Variants in SORCS2 observed in about 807,000 individuals in gnomAD.
The protein encoded by SORCS2 is VPS10 domain-containing receptor SorCS2.
Under a neutral mutation model 141.6 loss-of-function variants are expected in SORCS2, and 100 were observed. That is an observed-to-expected ratio of 0.71 (90% CI 0.60 to 0.83). The LOEUF (loss-of-function observed/expected upper bound fraction) is 0.83. Among genes scored for constraint, SORCS2 ranks in the 40% least tolerant of loss-of-function variants. The probability of loss-of-function intolerance (pLI) is 0.00; values close to 1 mark genes in which losing one functional copy is unlikely to be tolerated. For missense variants in SORCS2, 1,646 were observed against 1,560.2 expected (o/e 1.05, Z -0.93); for synonymous variants, 789 against 676.9 (o/e 1.17, Z -2.57).
intron 1 of SORCS2, among the ~76,000 whole-genome samples, chr4:7,273,990 C>A (rs549354845): frequency 8.5e-5 from 13 of 152,352 alleles, no homozygotes; most frequent in South Asian, 4.1e-4. Context: ...CAGAGCCCTC[C>A]CTCTGCCTCG....
chr4:7,622,539 T>C (rs1719266271), intron 3 of SORCS2, among the ~76,000 whole-genome samples: 1 of 152,192 alleles, frequency 6.6e-6, no homozygotes, highest in Non-Finnish European at 1.5e-5. Flanking sequence ...GGCATCACTG[T>C]GTCTGGAGTC....
At chr4:7,670,198 G>A (rs1430088880) in intron 8 of SORCS2, among the ~76,000 whole-genome samples, 2 of 152,190 alleles carry the variant, frequency 1.3e-5, no homozygotes, top group East Asian at 3.8e-4. Flanking sequence ...TTTTCCTTCT[G>A]TGTTAAAGGG....
chr4:7,729,001 C>T (rs1287468073), intron 22 of SORCS2, among the ~76,000 whole-genome samples: 1 of 152,210 alleles, frequency 6.6e-6, no homozygotes, highest in Non-Finnish European at 1.5e-5. Flanking sequence ...CCAGGCTTCC[C>T]CTCCCGTGAA....
At chr4:7,392,906 G>T (rs113863351) in intron 1 of SORCS2, among the ~76,000 whole-genome samples, 58,345 of 149,970 alleles carry the variant, frequency 0.39, 11,794 homozygotes, top group East Asian at 0.52. Context: ...GTCGGGGGGG[G>T]GGGGGTGCTG....
At chr4:7,580,858 G>A (rs1716096992) in intron 3 of SORCS2, among the ~76,000 whole-genome samples, 1 of 152,122 alleles carries the variant, frequency 6.6e-6, no homozygotes, top group Non-Finnish European at 1.5e-5. Flanking sequence ...CAATGGAGGA[G>A]TAAAAGTCTG....
At chr4:7,433,124 G>T in intron 2 of SORCS2, 1 of 516,980 alleles carries the variant, frequency 1.9e-6, no homozygotes, top group Non-Finnish European at 3.0e-6. Context: ...TGCTTTCAAG[G>T]GCAAAGCTGT....
chr4:7,326,145 G>A (rs1719243699), intron 1 of SORCS2, among the ~76,000 whole-genome samples: 1 of 152,094 alleles, frequency 6.6e-6, no homozygotes, highest in Non-Finnish European at 1.5e-5. Context: ...TCTGGATAGG[G>A]GTTTGACCAC....
At chr4:7,471,642 AG>A (rs1213423813) in intron 2 of SORCS2, among the ~76,000 whole-genome samples, 1 of 152,200 alleles carries the variant, frequency 6.6e-6, no homozygotes, top group Non-Finnish European at 1.5e-5. Context: ...GGGTGGAACC[AG>A]GTGCGTCCCT....
intron 1 of SORCS2, among the ~76,000 whole-genome samples, chr4:7,197,602 T>C (rs1467792191): frequency 4.6e-5 from 7 of 152,186 alleles, no homozygotes; most frequent in Non-Finnish European, 8.8e-5. Flanking sequence ...GAAAACAACA[T>C]TCCAACTTGA....
chr4:7,535,397 CT>C (rs1417587782), intron 3 of SORCS2, among the ~76,000 whole-genome samples: 57 of 152,318 alleles, frequency 3.7e-4, no homozygotes, highest in African/African-American at 1.3e-3. Context: ...GGCTGACCCC[CT>C]GGCTTCTCTG....
intron 3 of SORCS2, among the ~76,000 whole-genome samples, chr4:7,565,877 T>C (rs1482623140): frequency 1.4e-5 from 2 of 139,178 alleles, no homozygotes; most frequent in Non-Finnish European, 1.6e-5. Flanking sequence ...GATGTGATGA[T>C]GGAGATGATG....
chr4:7,510,726 G>A (rs150810959), intron 2 of SORCS2, among the ~76,000 whole-genome samples: 1 of 152,396 alleles, frequency 6.6e-6, no homozygotes, highest in Non-Finnish European at 1.5e-5. Context: ...TGCGACCCCG[G>A]GGCCTGGGCA....
At chr4:7,420,179 A>G (rs1444052237) in intron 2 of SORCS2, among the ~76,000 whole-genome samples, 1 of 152,212 alleles carries the variant, frequency 6.6e-6, no homozygotes, top group Non-Finnish European at 1.5e-5. Flanking sequence ...CCTGGGGGGC[A>G]AGGATTTGGC....
At chr4:7,363,008 A>G (rs985099642) in intron 1 of SORCS2, among the ~76,000 whole-genome samples, 5 of 149,462 alleles carry the variant, frequency 3.3e-5, no homozygotes. Flanking sequence ...TCCTACTGCT[A>G]TCATCATCAC....
chr4:7,458,411 CCT>C lies in SORCS2; in HGVS notation c.548+62057_548+62058del, dbSNP rs368893998. Among the ~76,000 whole-genome samples, 620 of 152,136 alleles carry C rather than the reference CCT, an allele frequency of 4.1e-3. 5 individuals carry two copies. Among genetic ancestry groups the C allele is most frequent in the African/African-American group, 0.014 (596 of 41,484 alleles). On this transcript the variant is annotated intron_variant, in intron 2 of 26. Coordinates refer to ENST00000507866, the MANE Select transcript of SORCS2 (RefSeq NM_020777.3). ...GCTAGTAGTTTTCCAGCTGTGCTCC[CCT>C]GAGTCCTTTGGGGGCCCCTGAGCAA...
At chr4:7,221,752 C>G (rs1488589875) in intron 1 of SORCS2, among the ~76,000 whole-genome samples, 1 of 152,216 alleles carries the variant, frequency 6.6e-6, no homozygotes, top group African/African-American at 2.4e-5. Flanking sequence ...GCAGCTCATT[C>G]TGTAGGAGGC....
intron 2 of SORCS2, among the ~76,000 whole-genome samples, chr4:7,437,119 AC>A (rs1727356977): frequency 1.3e-5 from 2 of 152,012 alleles, no homozygotes; most frequent in Non-Finnish European, 1.5e-5. Context: ...GTTAGCACAG[AC>A]CCCACACGTT....
At position 7,292,280 on chromosome 4, in the gene SORCS2, T is replaced by C. The variant is rs1385216447; in HGVS notation, c.480+99154T>C. On this transcript the variant is annotated intron_variant, in intron 1 of 26. Transcript: ENST00000507866. ...TTCACGGTCCGTTCACCAAGGAGGC[T>C]CCCCACCATTCGCAGTCTGTTCACC... is the stretch of plus-strand genomic sequence containing the variant. 6.0e-5 allele frequency among the ~76,000 whole-genome samples: 9 copies of C among 149,960 alleles called. No homozygotes were observed. The East Asian group carries it at 1.8e-3, about 29-fold the overall frequency.
intron 1 of SORCS2, among the ~76,000 whole-genome samples, chr4:7,344,039 T>G (rs1720517051): frequency 6.6e-6 from 1 of 152,232 alleles, no homozygotes; most frequent in Non-Finnish European, 1.5e-5. Context: ...CAAGATGTTC[T>G]TTCTCCTTGG....
Sources: allele counts gnomAD v4.1 joint callset (sites outside exome capture counted in the v4.1 genomes callset), GRCh38; gene constraint gnomAD v4.1.1; transcripts MANE v1.5; gene names NCBI Gene and HGNC (gene_info 2026-07-23, HGNC 2026-07-21).